The following TRPV5 variants were observed in gnomAD, a reference collection of about 807,000 sequenced individuals.
The protein encoded by TRPV5 is calcium transport protein 2.
In TRPV5, 66 loss-of-function variants were observed where a neutral mutation model predicts 74.1. The ratio of observed to expected loss-of-function variants is 0.89; its 90% CI spans 0.73 to 1.09. The LOEUF (loss-of-function observed/expected upper bound fraction) is 1.09. TRPV5 is among the 50% of genes least tolerant of loss of function. The pLI, the probability that TRPV5 is intolerant of heterozygous loss-of-function variation, is 0.00. For synonymous variants in TRPV5, 399 were observed against 360.7 expected (o/e 1.11, Z -1.20); for missense variants, 936 against 930.4 (o/e 1.01, Z -0.08).
At chr7:142,922,369 C>T (rs776019489) in intron 8 of TRPV5, among the ~76,000 whole-genome samples, 22 of 152,208 alleles carry the variant, frequency 1.4e-4, no homozygotes, top group Admixed American at 2.6e-4. Context: ...GAACTCCCTG[C>T]TGAACAGTAA....
intron 8 of TRPV5, among the ~76,000 whole-genome samples, chr7:142,920,175 G>A (rs746803952): frequency 5.9e-5 from 9 of 151,836 alleles, no homozygotes; most frequent in Non-Finnish European, 1.2e-4. Context: ...GGGCCATAAA[G>A]AGAGAGAGAG....
intron 8 of TRPV5, among the ~76,000 whole-genome samples, chr7:142,921,175 T>C (rs1795880670): frequency 6.6e-6 from 1 of 152,248 alleles, no homozygotes; most frequent in African/African-American, 2.4e-5. Context: ...AAGATGATTT[T>C]TAAAAGATGG....
At chr7:142,926,380 G>A (rs1008982887) in intron 7 of TRPV5, among the ~76,000 whole-genome samples, 2 of 152,308 alleles carry the variant, frequency 1.3e-5, no homozygotes, top group Admixed American at 6.5e-5. Context: ...AAGATACACA[G>A]GAGAGGGGAT....
chr7:142,923,619 A>C (rs1795919529), intron 8 of TRPV5, among the ~76,000 whole-genome samples: 1 of 152,172 alleles, frequency 6.6e-6, no homozygotes, highest in South Asian at 2.1e-4. Flanking sequence ...CTTTCACTGA[A>C]GCAGAAGGCA....
intron 3 of TRPV5, 61 bp downstream of exon 3, chr7:142,929,997 A>G: frequency 6.2e-7 from 1 of 1,610,098 alleles, no homozygotes; most frequent in South Asian, 1.1e-5. Context: ...CAATTTTAAG[A>G]GACAACAGCA....
chr7:142,925,704 A>T lies in TRPV5; in HGVS notation c.947T>A (p.Leu316Gln). 1 of 1,614,152 alleles carries T rather than the reference A, an allele frequency of 6.2e-7. No individual in the cohort carries two copies. The highest frequency in any genetic ancestry group is 8.5e-7 in the Non-Finnish European group (1 of 1,180,020). The change falls in exon 8 of 15, where the codon CTG becomes CAG. Residue 316 changes from leucine to glutamine, a missense_variant. Physicochemically the swap from Leu to Gln is moderately radical, Grantham distance 113. Coordinates refer to ENST00000265310, the MANE Select transcript of TRPV5 (RefSeq NM_019841.7). ...ATACTTGTTCCACTTGAAGCTCACC[A>T]GCTCCTTCACTGGGGTCTGTTCCAG... ...QILEQTPVKE[L>Q]VSFKWNKYGR...
chr7:142,909,541 C>G lies in TRPV5; in HGVS notation c.1844G>C (p.Arg615Pro), dbSNP rs760378826. Residue 615 changes from arginine (R) to proline (P), a missense_variant, in exon 14 of 15, where the codon CGC becomes CCC. Arg to Pro is a moderately radical substitution (Grantham distance 103, BLOSUM62 -2). Transcript: ENST00000265310. ...ERKLPRCLWP[R>P]SGICGCEFGL... ...GAATTCGCACCCACAGATCCCGGAG[C>G]GAGGCCACAGGCAGCGAGGCAGCTT... 3 of 1,614,056 alleles carry G rather than the reference C, an allele frequency of 1.9e-6. No individual in the cohort carries two copies. The highest frequency in any genetic ancestry group is 2.5e-6 in the Non-Finnish European group (3 of 1,180,028).
chr7:142,909,469 C>T (rs761623008), intron 14 of TRPV5, 21 bp downstream of exon 14: 7 of 1,612,834 alleles, frequency 4.3e-6, no homozygotes, highest in Admixed American at 1.7e-5. Flanking sequence ...TGCAGTTTTG[C>T]ATGTGCACAC....
chr7:142,918,834 G>A (rs909969518), intron 8 of TRPV5, among the ~76,000 whole-genome samples: 2 of 152,198 alleles, frequency 1.3e-5, no homozygotes, highest in Non-Finnish European at 2.9e-5. Flanking sequence ...TCATGAGCAC[G>A]ATGTACGTCA....
intron 8 of TRPV5, among the ~76,000 whole-genome samples, chr7:142,924,229 CATATAT>C (rs111708505): frequency 1.3e-3 from 164 of 123,256 alleles, no homozygotes; most frequent in African/African-American, 5.4e-3. Context: ...TATATATATA[CATATAT>C]ATATATATAC....
rs778703315 is a variant in TRPV5, at chr7:142,930,358, G to A, written c.217C>T (p.Arg73Ter). The change falls in exon 2 of 15, where the codon CGA becomes TGA. Residue 73 changes from arginine to a stop codon, truncating the protein, a stop_gained. Transcript: ENST00000265310. LOFTEE classifies it high-confidence loss of function. Reference protein sequence around the residue: ...QLLLDCTCDVRQRGALGETAL... With the variant: ...QLLLDCTCDV Reference sequence around the variant, plus strand: ...TAAATCCAGATCCCACCTCTTTGTCGAACGTCACAGGTGCAGTCCAGTAGA... The same window carrying A: ...TAAATCCAGATCCCACCTCTTTGTCAAACGTCACAGGTGCAGTCCAGTAGA... 4.3e-6 allele frequency: 7 copies of A among 1,613,880 alleles called. No individual in the cohort carries two copies. In the South Asian group the frequency reaches 4.4e-5, roughly 10 times the overall value.
In TRPV5 at chr7:142,908,268, A is replaced by G; in HGVS notation, c.*246T>C. On this transcript the variant is annotated 3_prime_UTR_variant, in exon 15 of 15. Transcript: ENST00000265310. Reference sequence around the variant, plus strand: ...CCCTGCCTCATGTCTTTAGTTGCCAACCTCCTTTTTCCTGAGATGGGTGAC... The same window carrying G: ...CCCTGCCTCATGTCTTTAGTTGCCAGCCTCCTTTTTCCTGAGATGGGTGAC... The G allele has an allele frequency of 3.5e-6, 2 of 572,198 alleles. No individual in the cohort carries two copies. The highest frequency in any genetic ancestry group is 6.2e-6 in the Non-Finnish European group (2 of 323,180). 35.4% of individuals were successfully genotyped at this position (572,198 alleles called of 1,614,324 possible).
intron 8 of TRPV5, among the ~76,000 whole-genome samples, chr7:142,924,043 A>G (rs183293677): frequency 5.3e-5 from 8 of 151,912 alleles, no homozygotes; most frequent in Admixed American, 5.3e-4. Context: ...TCCACTTGCC[A>G]TCTCCTAACT....
intron 8 of TRPV5, among the ~76,000 whole-genome samples, chr7:142,918,939 C>T (rs1448781561): frequency 6.6e-6 from 1 of 152,214 alleles, no homozygotes; most frequent in African/African-American, 2.4e-5. Flanking sequence ...CCTGCTATGG[C>T]CCCTGCCTTG....
chr7:142,909,510 C>T lies in TRPV5; in HGVS notation c.1875G>A (p.Leu625=), dbSNP rs1201382028. 1.9e-6 allele frequency: 3 copies of T among 1,613,932 alleles called. No individual in the cohort carries two copies. The South Asian group carries it at 3.3e-5, about 18-fold the overall frequency. The change falls in exon 14 of 15, where the codon CTG becomes CTA. Residue 625 remains leucine, a synonymous_variant. Coordinates refer to ENST00000265310, the MANE Select transcript of TRPV5 (RefSeq NM_019841.7). The part of the protein sequence containing the change: ...RSGICGCEFG[L]GDRWFLRVEN... ...CTCACCGCAGGAACCAGCGGTCCCC[C>T]AGCCCGAATTCGCACCCACAGATCC...
chr7:142,914,121 C>A (rs1275910447), intron 12 of TRPV5, among the ~76,000 whole-genome samples: 2 of 152,190 alleles, frequency 1.3e-5, no homozygotes, highest in African/African-American at 4.8e-5. Flanking sequence ...TTCAAACTGT[C>A]CAAGCTGTTT....
chr7:142,924,349 TATAGAC>T (rs1563375057), intron 8 of TRPV5, among the ~76,000 whole-genome samples: 147 of 10,558 alleles, frequency 0.014, 5 homozygotes, highest in Non-Finnish European at 0.022. Context: ...TATATATATA[TATAGAC>T]ATATACATGT....
intron 13 of TRPV5, among the ~76,000 whole-genome samples, chr7:142,911,177 C>T (rs1795696014): frequency 1.3e-5 from 2 of 152,130 alleles, no homozygotes; most frequent in Non-Finnish European, 2.9e-5. Context: ...TAGAAATGAT[C>T]TCACAAACAC....
rs769688136 is a variant in TRPV5, at chr7:142,933,405, G to A, written c.55C>T (p.Leu19=). 7.4e-6 allele frequency: 12 copies of A among 1,614,090 alleles called. No homozygotes were observed. Among genetic ancestry groups the A allele is most frequent in the Admixed American group, 1.7e-5 (1 of 60,006 alleles). The part of the protein sequence containing the change: ...EGPGSQLQKL[L]PSFLVREQDW... ...TGTTCTCTGACCAGAAAGGAGGGCA[G>A]AAGTTTCTGGAGTTGGCTCCCGGGC... The change falls in exon 1 of 15, where the codon CTG becomes TTG. Residue 19 remains leucine (L), a synonymous_variant. Coordinates refer to ENST00000265310, the MANE Select transcript of TRPV5 (RefSeq NM_019841.7).
Sources: gnomAD v4.1 joint callset for allele counts (sites outside exome capture counted in the v4.1 genomes callset) on GRCh38, gnomAD v4.1.1 for gene constraint, MANE v1.5 for transcripts, NCBI Gene and HGNC (gene_info 2026-07-23, HGNC 2026-07-21) for gene names.